Variants in WBP11 observed in about 807,000 individuals in gnomAD.
The protein encoded by WBP11 is WW domain binding protein 11.
WBP11 carries 12 observed loss-of-function variants against 66.7 expected under a neutral mutation model. The ratio of observed to expected loss-of-function variants is 0.18; its 90% CI spans 0.12 to 0.29. The LOEUF (loss-of-function observed/expected upper bound fraction) is 0.29, where lower values mean the gene tolerates loss of function less well. Among genes scored for constraint, WBP11 ranks in the 10% least tolerant of loss-of-function variants. WBP11 has a pLI of 1.00. For missense variants in WBP11, 555 were observed against 818.3 expected, an observed-to-expected ratio of 0.68 and a Z score of 3.93; for synonymous variants, 255 against 273.8, an observed-to-expected ratio of 0.93 and a Z score of 0.68.
Position 14,795,049 on chromosome 12 carries a change from G to A in WBP11, c.443C>T (p.Pro148Leu). ...SIPLPDMPHA[P>L]SNILIQDIPL... ...AATGTCCTGGATCAAAATGTTGGAA[G>A]GAGCATGTGGCATATCTGGCAAAGG... The change falls in exon 6 of 12, where the codon CCT becomes CTT. Residue 148 changes from proline (P) to leucine (L), a missense_variant. Pro to Leu is a moderately conservative substitution (Grantham distance 98). This residue lies in a region of WBP11 where 220 missense variants were observed against 268.2 expected (regional missense o/e 0.82). Transcript: ENST00000261167. 1 of 1,612,994 alleles carries A rather than the reference G, an allele frequency of 6.2e-7. No individual in the cohort carries two copies. Among genetic ancestry groups the A allele is most frequent in the Admixed American group, 1.7e-5 (1 of 59,950 alleles).
rs189730601 is a variant in WBP11, at chr12:14,797,072, T to G, written c.191-69A>C. The G allele has an allele frequency of 7.4e-3, 10,123 of 1,361,088 alleles. 39 individuals carry two copies. The highest frequency in any genetic ancestry group is 8.5e-3 in the Non-Finnish European group (8,715 of 1,026,300). 84.3% of individuals were successfully genotyped at this position (1,361,088 alleles called of 1,614,324 possible). A position where few individuals can be genotyped will look rare whatever the true frequency, so the allele number is the denominator to read the frequency against. On this transcript the variant is annotated intron_variant, in intron 4 of 11. Transcript: ENST00000261167. ...TTCAATTAGGTATCAATAGGTTACA[T>G]GATAAAAACCTCCATATATGCTAAA...
rs1045501223 is a variant in WBP11 at position 14,790,637 on chromosome 12, C to T, written c.1128G>A (p.Glu376=). The change falls in exon 10 of 12, where the codon GAG becomes GAA. Residue 376 remains glutamate, a synonymous_variant. Transcript: ENST00000261167. ...TGGATGTGCCATCAGAATGGGATTCCTCTTTATGCTGCTTTTGTGATTGCT... is the reference window on the plus strand; with the variant it reads ...TGGATGTGCCATCAGAATGGGATTCTTCTTTATGCTGCTTTTGTGATTGCT... The part of the protein sequence containing the change: ...AEKQSQKQHK[E]ESHSDGTSTA... 1.3e-5 allele frequency: 21 copies of T among 1,614,130 alleles called. No individual in the cohort carries two copies. Among genetic ancestry groups the T allele is most frequent in the Non-Finnish European group, 1.7e-5 (20 of 1,179,988 alleles).
In WBP11 at chr12:14,796,088, A is replaced by C. The variant is rs1476082299; in HGVS notation, c.387+719T>G. ...TACATTTTTTTTTCCTGCACAGATT[A>C]TCTGTGACTATTCTAGAATTTCATA... On this transcript the variant is annotated intron_variant, in intron 5 of 11. Transcript: ENST00000261167. The surrounding 1 kb of genome is among the most constrained non-coding windows in gnomAD (Gnocchi z 4.5). 6.6e-6 allele frequency among the ~76,000 whole-genome samples: 1 copy of C among 152,198 alleles called. No homozygotes were observed. The highest frequency in any genetic ancestry group is 1.9e-4 in the East Asian group (1 of 5,196).
Position 14,795,098 on chromosome 12 carries a change from G to C in WBP11, c.394C>G (p.Gln132Glu). 1 of 1,603,092 alleles carries C rather than the reference G, an allele frequency of 6.2e-7. No homozygotes were observed. Among genetic ancestry groups the C allele is most frequent in the Non-Finnish European group, 8.5e-7 (1 of 1,175,858 alleles). The change falls in exon 6 of 12, where the codon CAG becomes GAG. Residue 132 changes from glutamine to glutamate, a missense_variant. Physicochemically the swap from Gln to Glu is conservative, Grantham distance 29. Transcript: ENST00000261167. ...GGAATACTCTCCACTTCCACATGCT[G>C]AGCATTCTGAAACAGAGAACCATTC... ...SQYFDAVKNA[Q>E]HVEVESIPLP...
chr12:14,794,808 C>G, intron 6 of WBP11, 72 bp from the exon 7 acceptor site: 1 of 1,530,042 alleles, frequency 6.5e-7, no homozygotes, highest in Non-Finnish European at 8.8e-7. Context: ...TATTTATTTT[C>G]TCTTCTAAAC....
rs1351764378 is a variant in WBP11, at chr12:14,796,841, C to T, written c.353G>A (p.Arg118Lys). 2 of 1,605,294 alleles carry T rather than the reference C, an allele frequency of 1.2e-6. No homozygotes were observed. The highest frequency in any genetic ancestry group is 1.7e-6 in the Non-Finnish European group (2 of 1,177,484). The change falls in exon 5 of 12, where the codon AGG becomes AAG. Residue 118 changes from arginine to lysine, a missense_variant. By Grantham distance (26) the Arg-to-Lys change is conservative. Transcript: ENST00000261167. The surrounding 1 kb of genome is among the most constrained non-coding windows in gnomAD (Gnocchi z 4.5). ...RKLEVEYEQK[R>K]AQLSQYFDAV... ...ATCAAAATATTGGCTAAGTTGAGCCCTCTTCTGTTCATATTCTACTTCTAG... is the reference window on the plus strand; with the variant it reads ...ATCAAAATATTGGCTAAGTTGAGCCTTCTTCTGTTCATATTCTACTTCTAG...
Position 14,787,355 on chromosome 12 carries a change from C to T in WBP11, c.1636G>A (p.Ala546Thr), listed in dbSNP as rs774290425. 1 of 1,609,602 alleles carries T rather than the reference C, an allele frequency of 6.2e-7. No homozygotes were observed. Among genetic ancestry groups the T allele is most frequent in the South Asian group, 1.1e-5 (1 of 90,960 alleles). ...APPNLIQRPK[A>T]DDTSAATIEK... ...ATGGTGGCTGCACTTGTATCATCCG[C>T]CTTGGGTCGCTGAATCAAGTTGGGT... The change falls in exon 12 of 12, where the codon GCG becomes ACG. Residue 546 changes from alanine to threonine, a missense_variant. Transcript: ENST00000261167.
At chr12:14,791,108 TGTAAA>T in intron 9 of WBP11, 56 bp downstream of exon 9, 1 of 1,490,956 alleles carries the variant, frequency 6.7e-7, no homozygotes, top group Non-Finnish European at 9.3e-7. Context: ...GAAAAACGTA[TGTAAA>T]GTAATTAGCG....
Position 14,786,798 on chromosome 12 carries a change from G to A in WBP11, c.*267C>T. The A allele has an allele frequency of 3.0e-6, 1 of 336,182 alleles. No individual in the cohort carries two copies. Among genetic ancestry groups the A allele is most frequent in the South Asian group, 6.9e-5 (1 of 14,466 alleles). The allele number at this position is 336,182 out of a possible 1,614,324, so 20.8% of individuals were successfully genotyped here. On this transcript the variant is annotated 3_prime_UTR_variant, in exon 12 of 12. Coordinates refer to ENST00000261167, the MANE Select transcript of WBP11 (RefSeq NM_016312.3). ...CCCGATCACAAATTTCCAAAGAACT[G>A]GAGGAGGGGAAGAAACAGGGTGAAA... is the stretch of plus-strand genomic sequence containing the variant.
intron 1 of WBP11, 72 bp from the exon 2 acceptor site, chr12:14,801,500 ATCTCTG>A: frequency 1.0e-6 from 1 of 957,682 alleles, no homozygotes; most frequent in Non-Finnish European, 1.5e-6. Flanking sequence ...GTCCCTACCA[ATCTCTG>A]AAAAAAAATT....
chr12:14,794,860 A>G lies in WBP11; in HGVS notation c.521+111T>C, dbSNP rs1949872427. The G allele has an allele frequency of 3.2e-6, 5 of 1,570,958 alleles. No individual in the cohort carries two copies. In the South Asian group the frequency reaches 5.9e-5, roughly 19 times the overall value. ...CTTATTTTACATTTAATCAAATGTC[A>G]CACTGTTTACATCCATATTGTCTTT... On this transcript the variant is annotated intron_variant, in intron 6 of 11. Transcript: ENST00000261167.
At chr12:14,794,876 T>G in intron 6 of WBP11, 95 bp downstream of exon 6, 3 of 1,597,878 alleles carry the variant, frequency 1.9e-6, no homozygotes, top group Non-Finnish European at 2.6e-6. Context: ...TTTACATCCA[T>G]ATTGTCTTTT....
rs1281366226 is a variant in WBP11 at position 14,785,662 on chromosome 12, A to C, written c.*1403T>G. On this transcript the variant is annotated 3_prime_UTR_variant, in exon 12 of 12. Coordinates refer to ENST00000261167, the MANE Select transcript of WBP11 (RefSeq NM_016312.3). The stretch of plus-strand genomic sequence containing the variant: ...CTAAAAATCCATCAACTCAACTCTA[A>C]GAAAATAAATGCCTTATTGTATTAT... The C allele has an allele frequency of 6.6e-6, 1 of 152,238 alleles. No individual in the cohort carries two copies. The highest frequency in any genetic ancestry group is 2.4e-5 in the African/African-American group (1 of 41,472). The allele number at this position is 152,238 out of a possible 1,614,324, so 9.4% of individuals were successfully genotyped here.
chr12:14,788,040 C>G (rs1442408325), intron 11 of WBP11, among the ~76,000 whole-genome samples: 1 of 152,046 alleles, frequency 6.6e-6, no homozygotes, highest in African/African-American at 2.4e-5. Flanking sequence ...AGCTCGAGAC[C>G]AGCCTGATGA....
chr12:14,797,290 G>A (rs1169083825), intron 4 of WBP11, among the ~76,000 whole-genome samples: 1 of 152,156 alleles, frequency 6.6e-6, no homozygotes, highest in Non-Finnish European at 1.5e-5. Context: ...ACCTCGTGAA[G>A]ATTCTGTCAG....
intron 11 of WBP11, among the ~76,000 whole-genome samples, chr12:14,788,305 A>G (rs1949778873): frequency 6.6e-6 from 1 of 152,218 alleles, no homozygotes; most frequent in African/African-American, 2.4e-5. Context: ...TCATTACTGG[A>G]AAAGAACTCA....
At chr12:14,800,398 T>C (rs1444780761) in intron 3 of WBP11, among the ~76,000 whole-genome samples, 1 of 152,022 alleles carries the variant, frequency 6.6e-6, no homozygotes, top group Non-Finnish European at 1.5e-5. Context: ...AATAGACAGC[T>C]AATCAGGAAA....
chr12:14,787,596 A>ATC (rs1220398487), intron 11 of WBP11, 98 bp from the exon 12 acceptor site: 1 of 1,097,856 alleles, frequency 9.1e-7, no homozygotes, highest in African/African-American at 1.6e-5. Context: ...TTTTAAATAA[A>ATC]TGGATAACAA....
intron 10 of WBP11, among the ~76,000 whole-genome samples, chr12:14,789,857 C>T (rs571526921): frequency 1.3e-5 from 2 of 152,302 alleles, no homozygotes; most frequent in East Asian, 1.9e-4. Context: ...TTGCACCAAT[C>T]GGAAAATGAT....
Sources: gnomAD v4.1 joint callset for allele counts (sites outside exome capture counted in the v4.1 genomes callset) on GRCh38, gnomAD v4.1.1 for gene constraint, gnomAD v4.1.1 regional missense constraint, Gnocchi (gnomAD v3.1) non-coding constraint, MANE v1.5 for transcripts, NCBI Gene and HGNC (gene_info 2026-07-23, HGNC 2026-07-21) for gene names.